Variants in MAP4K3 observed in about 807,000 individuals in gnomAD.
The protein encoded by MAP4K3 is mitogen-activated protein kinase kinase kinase kinase 3, also known as MAPK/ERK kinase kinase kinase 3.
A neutral mutation model predicts 143.5 loss-of-function variants in MAP4K3; 94 were observed. That is an observed-to-expected ratio of 0.65 (90% CI 0.55 to 0.78). The LOEUF is 0.78. MAP4K3 is among the 30% of genes least tolerant of loss of function. MAP4K3 has a pLI of 0.00. For synonymous variants in MAP4K3, 416 were observed against 347.2 expected, an observed-to-expected ratio of 1.20 and a Z score of -2.20; for missense variants, 1,077 against 1,068.1, an observed-to-expected ratio of 1.01 and a Z score of -0.12.
chr2:39,293,501 A>G (rs1364718287), intron 16 of MAP4K3, among the ~76,000 whole-genome samples: 1 of 152,166 alleles, frequency 6.6e-6, no homozygotes, highest in Non-Finnish European at 1.5e-5. Flanking sequence ...TTAAATGAAC[A>G]AAATAAATCC....
chr2:39,436,976 G>A lies in MAP4K3; in HGVS notation c.12C>T (p.Gly4=), dbSNP rs148296789. The change falls in exon 1 of 34, where the codon GGC becomes GGT. Residue 4 remains glycine (G), a synonymous_variant. Coordinates refer to ENST00000263881, the MANE Select transcript of MAP4K3 (RefSeq NM_003618.4). MNP[G]FDLSRRNPQE... ...GCGGGTTCCGGCGGGACAAATCGAA[G>A]CCGGGGTTCATGGCGGGCCCCAGGT... 3.4e-5 allele frequency: 54 copies of A among 1,611,864 alleles called. No homozygotes were observed. In the African/African-American group the frequency reaches 6.7e-4, roughly 20 times the overall value.
chr2:39,421,877 A>G (rs1667558269), intron 1 of MAP4K3, among the ~76,000 whole-genome samples: 1 of 152,238 alleles, frequency 6.6e-6, no homozygotes, highest in South Asian at 2.1e-4. Flanking sequence ...AACACATTAA[A>G]GCCAAACTTT....
rs917199141 is a variant in MAP4K3 at position 39,326,359 on chromosome 2, C to G, written c.531-82G>C. ...CCCACCCAGAGGCACAAGGAATTAT[C>G]ACTATCTAAATTAAGGCCTCTTTAG... On this transcript the variant is annotated intron_variant, in intron 8 of 33. Coordinates refer to ENST00000263881, the MANE Select transcript of MAP4K3 (RefSeq NM_003618.4). The G allele has an allele frequency of 3.4e-6, 5 of 1,483,658 alleles. No individual in the cohort carries two copies. The African/African-American group carries it at 5.7e-5, about 17-fold the overall frequency. The allele number at this position is 1,483,658 out of a possible 1,614,324, so 91.9% of individuals were successfully genotyped here.
At chr2:39,284,169 T>C (rs978254155) in intron 21 of MAP4K3, among the ~76,000 whole-genome samples, 2 of 152,172 alleles carry the variant, frequency 1.3e-5, no homozygotes, top group African/African-American at 4.8e-5. Context: ...GTTGTTGTTT[T>C]TTTATTTTTT....
intron 12 of MAP4K3, among the ~76,000 whole-genome samples, chr2:39,316,762 G>C (rs1345696159): frequency 6.6e-6 from 1 of 152,022 alleles, no homozygotes; most frequent in Non-Finnish European, 1.5e-5. Flanking sequence ...ACATTTACTA[G>C]AATTTCGAAT....
intron 1 of MAP4K3, among the ~76,000 whole-genome samples, chr2:39,384,867 A>T (rs1666454224): frequency 6.6e-6 from 1 of 152,222 alleles, no homozygotes; most frequent in Non-Finnish European, 1.5e-5. Context: ...CACCATCAGG[A>T]AATAAGAAAG....
In MAP4K3 at chr2:39,258,457, C is replaced by G; in HGVS notation, c.2378-17G>C. 1 of 1,600,486 alleles carries G rather than the reference C, an allele frequency of 6.2e-7. No homozygotes were observed. The highest frequency in any genetic ancestry group is 8.6e-7 in the Non-Finnish European group (1 of 1,168,990). On this transcript the variant is annotated splice_polypyrimidine_tract_variant and intron_variant, in intron 30 of 33. Coordinates refer to ENST00000263881, the MANE Select transcript of MAP4K3 (RefSeq NM_003618.4). ...TTATACAACCTAGAGGAAAAAAAGTCACTCAGAAACTAAGATAAAAGAAGT... is the reference window on the plus strand; with the variant it reads ...TTATACAACCTAGAGGAAAAAAAGTGACTCAGAAACTAAGATAAAAGAAGT...
intron 6 of MAP4K3, 143 bp downstream of exon 6, chr2:39,336,777 T>A (rs1558653548): frequency 2.5e-6 from 1 of 406,902 alleles, no homozygotes; most frequent in Non-Finnish European, 4.5e-6. Flanking sequence ...CTATAAAAAA[T>A]TAAACTATTA....
intron 23 of MAP4K3, among the ~76,000 whole-genome samples, chr2:39,279,009 C>G (rs1235073495): frequency 6.6e-6 from 1 of 152,128 alleles, no homozygotes; most frequent in Non-Finnish European, 1.5e-5. Context: ...ATATGAGAAG[C>G]ATGGCCATCG....
At chr2:39,289,605 GA>G (rs1483373961) in intron 19 of MAP4K3, among the ~76,000 whole-genome samples, 2 of 152,060 alleles carry the variant, frequency 1.3e-5, no homozygotes, top group East Asian at 1.9e-4. Context: ...ATTATCTTTT[GA>G]AAATTAAATA....
intron 18 of MAP4K3, among the ~76,000 whole-genome samples, chr2:39,290,644 C>G (rs1227917596): frequency 6.6e-6 from 1 of 151,768 alleles, no homozygotes; most frequent in Non-Finnish European, 1.5e-5. Context: ...ACATAGGATA[C>G]TAGGAACTGG....
chr2:39,375,890 A>T (rs1325918754), intron 2 of MAP4K3, among the ~76,000 whole-genome samples: 1 of 152,214 alleles, frequency 6.6e-6, no homozygotes, highest in African/African-American at 2.4e-5. Context: ...TTGGTCACCT[A>T]TGTTACAGCA....
At chr2:39,337,033 T>G (rs1243240735) in intron 5 of MAP4K3, 66 bp from the exon 6 acceptor site, 2 of 736,728 alleles carry the variant, frequency 2.7e-6, no homozygotes, top group African/African-American at 3.6e-5. Flanking sequence ...GGATTTTATG[T>G]AATCAAATGG....
chr2:39,386,829 T>TTTC (rs1248213130), intron 1 of MAP4K3, among the ~76,000 whole-genome samples: 2 of 150,838 alleles, frequency 1.3e-5, no homozygotes, highest in East Asian at 3.9e-4. Flanking sequence ...TCTTTTTTTT[T>TTTC]TTTTGAGACG....
intron 28 of MAP4K3, among the ~76,000 whole-genome samples, chr2:39,262,727 A>G (rs556902464): frequency 1.2e-4 from 18 of 152,304 alleles, no homozygotes; most frequent in African/African-American, 3.4e-4. Context: ...TTGTCTCTCT[A>G]GTAAATAACA....
In MAP4K3 at chr2:39,265,308, T is replaced by G. The variant is rs1335466461; in HGVS notation, c.2033-2A>C. 6.4e-7 allele frequency: 1 copy of G among 1,563,372 alleles called. No homozygotes were observed. The highest frequency in any genetic ancestry group is 8.8e-7 in the Non-Finnish European group (1 of 1,134,936). ...TATGGCCCGTGTAAGGATTTCTTAC[T>G]GTCAAAGCAAAAATATAAATGAGTT... On this transcript the variant is annotated splice_acceptor_variant, in intron 27 of 33. Coordinates refer to ENST00000263881, the MANE Select transcript of MAP4K3 (RefSeq NM_003618.4). LOFTEE classifies it high-confidence loss of function.
chr2:39,255,542 C>T (rs1680310204), intron 31 of MAP4K3, among the ~76,000 whole-genome samples: 1 of 152,180 alleles, frequency 6.6e-6, no homozygotes. Context: ...TTCTGTCTCA[C>T]TCTTCTACCT....
intron 21 of MAP4K3, among the ~76,000 whole-genome samples, chr2:39,284,860 T>TA (rs1464100646): frequency 6.6e-6 from 1 of 151,388 alleles, no homozygotes; most frequent in Non-Finnish European, 1.5e-5. Flanking sequence ...AATAAATAAA[T>TA]AAATAAAATA....
At chr2:39,264,775 G>A (rs1165492003) in intron 28 of MAP4K3, among the ~76,000 whole-genome samples, 1 of 152,118 alleles carries the variant, frequency 6.6e-6, no homozygotes, top group African/African-American at 2.4e-5. Flanking sequence ...AAAGGCCTAG[G>A]TAAATTAATG....
Sources: gnomAD v4.1 joint callset for allele counts (sites outside exome capture counted in the v4.1 genomes callset) on GRCh38, gnomAD v4.1.1 for gene constraint, MANE v1.5 for transcripts, NCBI Gene and HGNC (gene_info 2026-07-23, HGNC 2026-07-21) for gene names.